DLC1: variants seen among roughly 807,000 people sequenced by gnomAD.
DLC1 encodes DLC1 Rho GTPase activating protein.
Under a neutral mutation model 140.3 loss-of-function variants are expected in DLC1, and 54 were observed. That is an observed-to-expected ratio of 0.38 (90% CI 0.31 to 0.48). The LOEUF (loss-of-function observed/expected upper bound fraction) is 0.48. Ranked by LOEUF, DLC1 falls within the 20% of genes least tolerant of loss-of-function variation. The pLI is 0.96. For missense variants in DLC1, 2,536 were observed against 1,907.0 expected (o/e 1.33, Z -6.14); for synonymous variants, 986 against 728.1 (o/e 1.35, Z -5.70).
intron 10 of DLC1, among the ~76,000 whole-genome samples, chr8:13,096,444 A>G (rs1224440909): frequency 6.6e-6 from 1 of 152,232 alleles, no homozygotes; most frequent in Non-Finnish European, 1.5e-5. Context: ...CAGGAAAGGT[A>G]AAACGAAAGA....
chr8:13,524,018 G>A (rs567694327), intron 1 of DLC1, among the ~76,000 whole-genome samples: 36 of 151,644 alleles, frequency 2.4e-4, no homozygotes, highest in African/African-American at 6.0e-4. Flanking sequence ...GGAGTGTGAC[G>A]CATGTGAAAA....
intron 4 of DLC1, among the ~76,000 whole-genome samples, chr8:13,392,539 T>G (rs1049887119): frequency 1.3e-5 from 2 of 152,190 alleles, no homozygotes; most frequent in East Asian, 3.8e-4. Flanking sequence ...ACTTTTATTT[T>G]AAATGCAGTG....
At chr8:13,518,133 A>G (rs1802651725), upstream of DLC1, among the ~76,000 whole-genome samples, 2 of 146,274 alleles carry the variant, frequency 1.4e-5, no homozygotes. Context: ...TTTGAGACAG[A>G]GTCTGGCTCT....
At chr8:13,457,175 G>T (rs17093574) in intron 2 of DLC1, among the ~76,000 whole-genome samples, 9 of 152,032 alleles carry the variant, frequency 5.9e-5, no homozygotes, top group East Asian at 3.9e-4. Flanking sequence ...GCCCTATACC[G>T]TGCTCACAAT....
At chr8:13,316,433 A>C (rs1413360497) in intron 4 of DLC1, among the ~76,000 whole-genome samples, 3 of 151,862 alleles carry the variant, frequency 2.0e-5, no homozygotes, top group African/African-American at 4.8e-5. Context: ...TTTTTTTTGC[A>C]ATAATGGTAA....
intron 4 of DLC1, among the ~76,000 whole-genome samples, chr8:13,308,035 T>C (rs940495299): frequency 3.9e-5 from 6 of 152,250 alleles, no homozygotes; most frequent in Non-Finnish European, 7.3e-5. Flanking sequence ...CAAACACATT[T>C]AAGTCAAGTT....
chr8:13,417,984 A>T (rs1392778415), intron 2 of DLC1, among the ~76,000 whole-genome samples: 1 of 151,964 alleles, frequency 6.6e-6, no homozygotes, highest in East Asian at 1.9e-4. Flanking sequence ...GCATTTTTTC[A>T]TGTGTCTTTT....
At chr8:13,354,716 G>A (rs1013583110) in intron 4 of DLC1, among the ~76,000 whole-genome samples, 2 of 151,664 alleles carry the variant, frequency 1.3e-5, no homozygotes, top group Admixed American at 6.6e-5. Flanking sequence ...AGGCCGAAGT[G>A]GGTGGATTGC....
chr8:13,273,686 C>CTCTGTG (rs1831042963), intron 5 of DLC1, among the ~76,000 whole-genome samples: 3 of 62,504 alleles, frequency 4.8e-5, no homozygotes, highest in African/African-American at 1.3e-4. Context: ...AGAACTGTGC[C>CTCTGTG]TGTGTGTGTG....
chr8:13,107,512 A>G (rs1819667586), intron 7 of DLC1, among the ~76,000 whole-genome samples: 1 of 152,240 alleles, frequency 6.6e-6, no homozygotes, highest in Non-Finnish European at 1.5e-5. Context: ...ACTGTTCAGA[A>G]AATATCAACA....
chr8:13,586,238 C>T (rs887033367), intron 1 of DLC1, among the ~76,000 whole-genome samples: 3 of 151,976 alleles, frequency 2.0e-5, no homozygotes, highest in African/African-American at 7.2e-5. Context: ...GCAGGAAGGG[C>T]AATTTGGATA....
chr8:13,220,875 C>G (rs570551808), intron 5 of DLC1, among the ~76,000 whole-genome samples: 43 of 152,268 alleles, frequency 2.8e-4, no homozygotes, highest in Non-Finnish European at 5.6e-4. Flanking sequence ...GAAAGGGTGA[C>G]TGTGGGCCCT....
intron 2 of DLC1, among the ~76,000 whole-genome samples, chr8:13,435,132 G>C (rs1025007006): frequency 8.5e-4 from 129 of 152,254 alleles, no homozygotes; most frequent in African/African-American, 2.5e-3. Flanking sequence ...CTCATGGAAG[G>C]AGGTAAAAAT....
intron 1 of DLC1, among the ~76,000 whole-genome samples, chr8:13,556,795 G>T (rs1292102030): frequency 6.6e-6 from 1 of 152,190 alleles, no homozygotes; most frequent in Non-Finnish European, 1.5e-5. Context: ...GATGCTGTCA[G>T]AGACGCTGCT....
At chr8:13,451,677 G>T (rs912436282) in intron 2 of DLC1, among the ~76,000 whole-genome samples, 9 of 152,104 alleles carry the variant, frequency 5.9e-5, no homozygotes, top group African/African-American at 2.2e-4. Flanking sequence ...TTCCATCCAT[G>T]TTGAAAATGA....
chr8:13,329,261 C>A (rs942107364), intron 4 of DLC1, among the ~76,000 whole-genome samples: 2 of 152,198 alleles, frequency 1.3e-5, no homozygotes, highest in African/African-American at 4.8e-5. Context: ...TTATGACTAT[C>A]TGCTGGTCCT....
chr8:13,162,309 G>C (rs957223754), intron 5 of DLC1, among the ~76,000 whole-genome samples: 14 of 119,924 alleles, frequency 1.2e-4, no homozygotes, highest in African/African-American at 4.6e-4. Flanking sequence ...GTAGTCTACA[G>C]TTTGTTGTTG....
intron 2 of DLC1, among the ~76,000 whole-genome samples, chr8:13,472,183 C>T (rs1304120741): frequency 6.6e-6 from 1 of 152,084 alleles, no homozygotes; most frequent in East Asian, 1.9e-4. Flanking sequence ...TTAACTTTCC[C>T]AGGGAATGGT....
At chr8:13,431,869 C>T (rs1381685284) in intron 2 of DLC1, among the ~76,000 whole-genome samples, 1 of 151,980 alleles carries the variant, frequency 6.6e-6, no homozygotes, top group African/African-American at 2.4e-5. Context: ...TAAAAAGATT[C>T]AGGACAGATA....
Sources: allele counts gnomAD v4.1 joint callset (sites outside exome capture counted in the v4.1 genomes callset), GRCh38; gene constraint gnomAD v4.1.1; transcripts MANE v1.5; gene names NCBI Gene and HGNC (gene_info 2026-07-23, HGNC 2026-07-21).